The following MICU1 variants were observed in gnomAD, a reference collection of about 807,000 sequenced individuals.
MICU1 encodes the protein mitochondrial calcium uptake 1.
In MICU1, 45 loss-of-function variants were observed where a neutral mutation model predicts 56.8. The ratio of observed to expected loss-of-function variants is 0.79; its 90% CI spans 0.62 to 1.02. MICU1 has a LOEUF of 1.02. MICU1 is among the 50% of genes least tolerant of loss of function. The pLI is 0.00. For synonymous variants in MICU1, 186 were observed against 195.1 expected (o/e 0.95, Z 0.39); for missense variants, 504 against 587.1 (o/e 0.86, Z 1.46).
chr10:72,470,347 C>A (rs1865914245), intron 8 of MICU1, among the ~76,000 whole-genome samples: 2 of 152,188 alleles, frequency 1.3e-5, no homozygotes, highest in Admixed American at 6.5e-5. Flanking sequence ...ACTTATTCTA[C>A]TGGACGTCTT....
chr10:72,555,128 G>A (rs913305089), intron 3 of MICU1, among the ~76,000 whole-genome samples: 8 of 152,148 alleles, frequency 5.3e-5, no homozygotes, highest in African/African-American at 1.9e-4. Context: ...AATAGTAAGA[G>A]TATTTCAAAA....
chr10:72,475,659 C>A (rs1866096055), intron 7 of MICU1, among the ~76,000 whole-genome samples: 1 of 152,054 alleles, frequency 6.6e-6, no homozygotes, highest in African/African-American at 2.4e-5. Flanking sequence ...GAACTCCGGA[C>A]CTCAAGTGAT....
chr10:72,572,323 T>C (rs1037291157), intron 1 of MICU1, among the ~76,000 whole-genome samples: 9 of 152,198 alleles, frequency 5.9e-5, no homozygotes, highest in Admixed American at 2.0e-4. Context: ...CATTTCTATA[T>C]GCTATGGCTC....
chr10:72,533,283 T>C (rs1412787898), intron 5 of MICU1: 4 of 500,066 alleles, frequency 8.0e-6, no homozygotes, highest in Non-Finnish European at 1.2e-5. Flanking sequence ...AAAATAAGTA[T>C]AGTGCAAACT....
chr10:72,370,744 CT>C lies in MICU1; in HGVS notation c.1271-2390del, dbSNP rs570555415. ...AAGCTGTACACTTAAGATATTTGTA[CT>C]TTAGGCTGGGCACAGTGAGTCACGC... On this transcript the variant is annotated intron_variant, in intron 11 of 11. Transcript: ENST00000361114. Among the ~76,000 whole-genome samples, 32 of 152,234 alleles carry C rather than the reference CT, an allele frequency of 2.1e-4. No individual in the cohort carries two copies. The South Asian group carries it at 5.8e-3, about 28-fold the overall frequency.
At chr10:72,475,401 G>T in intron 7 of MICU1, 104 bp from the exon 8 acceptor site, 4 of 1,053,060 alleles carry the variant, frequency 3.8e-6, no homozygotes, top group Non-Finnish European at 4.0e-6. Flanking sequence ...TGCCTACTCT[G>T]TATTATAATT....
chr10:72,378,221 C>G (rs1475592241), intron 10 of MICU1, among the ~76,000 whole-genome samples: 1 of 152,148 alleles, frequency 6.6e-6, no homozygotes, highest in Admixed American at 6.5e-5. Flanking sequence ...CCACTGCACT[C>G]CAGCCTCGGT....
intron 1 of MICU1, among the ~76,000 whole-genome samples, chr10:72,620,559 C>T (rs767248621): frequency 5.3e-5 from 8 of 152,162 alleles, no homozygotes; most frequent in Non-Finnish European, 5.9e-5. Flanking sequence ...GTATCCTTAA[C>T]TGTTGAGGAT....
intron 8 of MICU1, among the ~76,000 whole-genome samples, chr10:72,428,857 T>C (rs1864434150): frequency 1.3e-5 from 2 of 152,146 alleles, no homozygotes; most frequent in East Asian, 3.9e-4. Context: ...GTTTCAAGGT[T>C]TGATATGTTT....
At chr10:72,541,306 G>A (rs1839768345) in intron 4 of MICU1, among the ~76,000 whole-genome samples, 1 of 152,196 alleles carries the variant, frequency 6.6e-6, no homozygotes, top group South Asian at 2.1e-4. Flanking sequence ...GAAGAGGCCT[G>A]AATTCCATTA....
intron 9 of MICU1, among the ~76,000 whole-genome samples, chr10:72,409,684 C>T (rs1199287627): frequency 2.0e-5 from 3 of 152,134 alleles, no homozygotes; most frequent in East Asian, 1.9e-4. Context: ...GGGCTAGACG[C>T]TGTCTCAAAA....
chr10:72,487,023 T>C (rs1418402902), intron 6 of MICU1, among the ~76,000 whole-genome samples: 3 of 152,204 alleles, frequency 2.0e-5, no homozygotes, highest in Non-Finnish European at 4.4e-5. Context: ...ATTAAATTTA[T>C]GGTGAAGCTT....
At position 72,453,606 on chromosome 10, in the gene MICU1, C is replaced by T. The variant is rs556491623; in HGVS notation, c.933+21494G>A. On this transcript the variant is annotated intron_variant, in intron 8 of 11. Coordinates refer to ENST00000361114, the MANE Select transcript of MICU1 (RefSeq NM_001195518.2). Reference sequence around the variant, plus strand: ...GTGCAGTGGCATATTCCTGGCTCACCGCAACCCCTGCCTCCCAGGTTCAAG... The same window carrying T: ...GTGCAGTGGCATATTCCTGGCTCACTGCAACCCCTGCCTCCCAGGTTCAAG... Among the ~76,000 whole-genome samples, 14 of 151,976 alleles carry T rather than the reference C, an allele frequency of 9.2e-5. No individual in the cohort carries two copies. The East Asian group carries it at 9.7e-4, about 11-fold the overall frequency.
chr10:72,466,638 G>GAACAAAACC (rs1216101993), intron 8 of MICU1, among the ~76,000 whole-genome samples: 11 of 152,122 alleles, frequency 7.2e-5, no homozygotes, highest in Non-Finnish European at 1.2e-4. Context: ...CTTCCCCAGA[G>GAACAAAACC]AACAAAACCA....
intron 11 of MICU1, among the ~76,000 whole-genome samples, chr10:72,374,255 G>A (rs781559193): frequency 6.6e-6 from 1 of 152,126 alleles, no homozygotes; most frequent in Non-Finnish European, 1.5e-5. Context: ...TGAGTAGCTG[G>A]GACTATAGGC....
At chr10:72,592,752 G>C (rs937742866) in intron 1 of MICU1, among the ~76,000 whole-genome samples, 1 of 150,742 alleles carries the variant, frequency 6.6e-6, no homozygotes, top group Admixed American at 6.6e-5. Flanking sequence ...TGCAGAAAGA[G>C]CATTTCCCAA....
At chr10:72,582,544 C>T (rs1015250819) in intron 1 of MICU1, among the ~76,000 whole-genome samples, 1 of 152,056 alleles carries the variant, frequency 6.6e-6, no homozygotes. Context: ...AATCTTGAAC[C>T]TTGTCAGGTT....
At chr10:72,480,644 G>T (rs1026107039) in intron 6 of MICU1, among the ~76,000 whole-genome samples, 1 of 152,222 alleles carries the variant, frequency 6.6e-6, no homozygotes, top group African/African-American at 2.4e-5. Flanking sequence ...CAAATTAATA[G>T]AAATAGGAAA....
chr10:72,437,493 A>G (rs1434609418), intron 8 of MICU1, among the ~76,000 whole-genome samples: 1 of 152,212 alleles, frequency 6.6e-6, no homozygotes, highest in Non-Finnish European at 1.5e-5. Flanking sequence ...ATAATTTAAT[A>G]GGCAAAATAA....
Sources: allele counts gnomAD v4.1 joint callset (sites outside exome capture counted in the v4.1 genomes callset), GRCh38; gene constraint gnomAD v4.1.1; transcripts MANE v1.5; gene names NCBI Gene and HGNC (gene_info 2026-07-23, HGNC 2026-07-21).